MAP7D2: variants seen among roughly 807,000 people sequenced by gnomAD.
MAP7D2 encodes MAP7 domain containing 2, also known as MAP7 domain-containing protein 2.
Under a neutral mutation model 63.5 loss-of-function variants are expected in MAP7D2, and 33 were observed. That is an observed-to-expected ratio of 0.52 (90% CI 0.39 to 0.70). MAP7D2 has a LOEUF of 0.70. MAP7D2 is among the 30% of genes least tolerant of loss of function. The pLI is 0.00. For missense variants in MAP7D2, 626 were observed against 604.0 expected (o/e 1.04, Z -0.38); for synonymous variants, 224 against 223.7 (o/e 1.00, Z -0.01).
intron 8 of MAP7D2, among the ~76,000 whole-genome samples, chrX:20,026,820 T>G (rs2073863169): frequency 9.0e-6 from 1 of 111,714 alleles, no homozygotes; most frequent in African/African-American, 3.3e-5. Flanking sequence ...ATGCCCAGTT[T>G]CCCTAGAGGT....
intron 1 of MAP7D2, among the ~76,000 whole-genome samples, chrX:20,091,883 T>G (rs888966823): frequency 1.2e-4 from 13 of 112,086 alleles, no homozygotes; most frequent in Admixed American, 5.7e-4. Flanking sequence ...TTGAGCAAGA[T>G]GGTTTGCCTT....
intron 6 of MAP7D2, among the ~76,000 whole-genome samples, chrX:20,046,199 A>G (rs1330803266): frequency 8.9e-6 from 1 of 112,024 alleles, no homozygotes; most frequent in African/African-American, 3.2e-5. Context: ...CACTACAAAT[A>G]TAGAATGCCC....
At chrX:20,024,682 G>C (rs752634546) in intron 10 of MAP7D2, among the ~76,000 whole-genome samples, 8 of 112,217 alleles carry the variant, frequency 7.1e-5, no homozygotes, top group African/African-American at 2.6e-4. Context: ...CAAAGTCCAA[G>C]AGGAGAATGG....
intron 3 of MAP7D2, among the ~76,000 whole-genome samples, chrX:20,060,667 G>A (rs1019581147): frequency 1.8e-5 from 2 of 110,901 alleles, no homozygotes; most frequent in African/African-American, 6.6e-5. Flanking sequence ...TGGTTCCTGG[G>A]AGCTGTGTGG....
At chrX:20,069,246 G>A (rs892564920) in intron 1 of MAP7D2, among the ~76,000 whole-genome samples, 3 of 111,162 alleles carry the variant, frequency 2.7e-5, no homozygotes, top group Non-Finnish European at 5.7e-5. Context: ...TCTGTTGGTT[G>A]CCCAAACTGG....
At chrX:20,076,013 C>T (rs1482633824) in intron 1 of MAP7D2, among the ~76,000 whole-genome samples, 3 of 111,303 alleles carry the variant, frequency 2.7e-5, no homozygotes, top group Non-Finnish European at 5.7e-5. Context: ...CTCAAGCTTT[C>T]GTGTGCATCA....
At chrX:20,025,229 C>T in intron 9 of MAP7D2, 146 bp from the exon 10 acceptor site, 2 of 669,205 alleles carry the variant, frequency 3.0e-6, no homozygotes, top group Non-Finnish European at 4.3e-6. Context: ...GCACAATCGA[C>T]CACCAAGCAA....
At chrX:20,025,218 A>G (rs1370532559) in intron 9 of MAP7D2, 135 bp from the exon 10 acceptor site, 3 of 727,326 alleles carry the variant, frequency 4.1e-6, no homozygotes, top group Non-Finnish European at 5.8e-6. Flanking sequence ...CGTCCAGACT[A>G]GCACAATCGA....
chrX:20,072,363 C>T (rs770781018), intron 1 of MAP7D2, among the ~76,000 whole-genome samples: 1 of 110,905 alleles, frequency 9.0e-6, no homozygotes, highest in African/African-American at 3.3e-5. Context: ...CATTCACCAC[C>T]CTCAGGCACA....
intron 10 of MAP7D2, among the ~76,000 whole-genome samples, chrX:20,020,849 T>A (rs1327030271): frequency 9.0e-6 from 1 of 111,590 alleles, no homozygotes; most frequent in African/African-American, 3.3e-5. Context: ...AACTGGAATA[T>A]TCTCTTTCCT....
intron 10 of MAP7D2, among the ~76,000 whole-genome samples, chrX:20,021,863 T>C (rs2073659483): frequency 8.9e-6 from 1 of 111,890 alleles, no homozygotes; most frequent in Non-Finnish European, 1.9e-5. Context: ...CATACTACTT[T>C]AGCCCTTCTG....
At chrX:20,087,107 T>C (rs2065928827) in intron 1 of MAP7D2, among the ~76,000 whole-genome samples, 1 of 112,263 alleles carries the variant, frequency 8.9e-6, no homozygotes, top group Non-Finnish European at 1.9e-5. Flanking sequence ...GGAGTGACAG[T>C]TGCCTAGAGG....
In MAP7D2 at chrX:20,094,546, A is replaced by ATATATG. The variant is rs2066189332; in HGVS notation, c.130+22203_130+22204insCATATA. ...TATATATATATATATATATATGTAT[A>ATATATG]TATATATATATATATATATATACAT... is the stretch of plus-strand genomic sequence containing the variant. On this transcript the variant is annotated intron_variant, in intron 1 of 16. Transcript: ENST00000379643. Among the ~76,000 whole-genome samples, 2 of 8,514 alleles carry ATATATG rather than the reference A, an allele frequency of 2.3e-4. 1 individual carries two copies. Among genetic ancestry groups the ATATATG allele is most frequent in the Non-Finnish European group, 3.9e-4 (2 of 5,184 alleles). The allele number at this position is 8,514 out of a possible 115,157, so 7.4% of individuals were successfully genotyped here.
chrX:20,065,671 T>C (rs1253097388), intron 1 of MAP7D2, among the ~76,000 whole-genome samples: 1 of 111,706 alleles, frequency 9.0e-6, no homozygotes, highest in African/African-American at 3.3e-5. Flanking sequence ...ATGTCAATCT[T>C]AGTATCTTAG....
At chrX:20,059,589 TGGAAGGAA>T (rs778547441) in intron 3 of MAP7D2, among the ~76,000 whole-genome samples, 2,670 of 74,119 alleles carry the variant, frequency 0.036, 123 homozygotes, top group Admixed American at 0.12. Flanking sequence ...AGTGGAAGGG[TGGAAGGAA>T]GGAAGGAAGG....
rs1198866752 is a variant in MAP7D2, at chrX:20,042,604, C to T, written c.905G>A (p.Arg302Gln). ...SLVEKVKRGQRTATSLPVVNF... is the reference protein window; with the variant it reads ...SLVEKVKRGQQTATSLPVVNF... ...CACAACAGGAAGAGAAGTTGCTGTT[C>T]GTTGCCCCCGCTTCACCTTCTCCAC... Residue 302 changes from arginine (R) to glutamine (Q), a missense_variant, in exon 8 of 17, where the codon CGA becomes CAA. Transcript: ENST00000379643. 4 of 1,209,755 alleles carry T rather than the reference C, an allele frequency of 3.3e-6. No individual in the cohort carries two copies. The highest frequency in any genetic ancestry group is 4.5e-6 in the Non-Finnish European group (4 of 895,072).
intron 8 of MAP7D2, among the ~76,000 whole-genome samples, chrX:20,031,613 A>G (rs929819784): frequency 3.6e-5 from 4 of 110,219 alleles, no homozygotes; most frequent in Non-Finnish European, 5.7e-5. Flanking sequence ...ATAAAAACAC[A>G]AAAATTAGCC....
At chrX:20,044,609 G>A in intron 6 of MAP7D2, 85 bp from the exon 7 acceptor site, 5 of 868,948 alleles carry the variant, frequency 5.8e-6, no homozygotes, top group Non-Finnish European at 6.7e-6. Context: ...ACACATTTCT[G>A]TTAAAATATG....
chrX:20,049,788 A>G, intron 6 of MAP7D2: 1 of 307,952 alleles, frequency 3.2e-6, no homozygotes, highest in Non-Finnish European at 6.2e-6. Flanking sequence ...GCATCATTTT[A>G]CATTCCCACC....
Sources: allele counts gnomAD v4.1 joint callset (sites outside exome capture counted in the v4.1 genomes callset), GRCh38; gene constraint gnomAD v4.1.1; transcripts MANE v1.5; gene names NCBI Gene and HGNC (gene_info 2026-07-23, HGNC 2026-07-21).